PCDH15: variants seen among roughly 807,000 people sequenced by gnomAD.
PCDH15 encodes protocadherin related 15, also known as protocadherin-15.
PCDH15 carries 129 observed loss-of-function variants against 178.5 expected under a neutral mutation model. That is an observed-to-expected ratio of 0.72 (90% confidence interval 0.63 to 0.84). The LOEUF (loss-of-function observed/expected upper bound fraction) is 0.84. Ranked by LOEUF, PCDH15 falls within the 40% of genes least tolerant of loss-of-function variation. PCDH15 has a pLI of 0.00. For missense variants in PCDH15, 2,230 were observed against 2,099.9 expected, an observed-to-expected ratio of 1.06 and a Z score of -1.21; for synonymous variants, 800 against 732.0, an observed-to-expected ratio of 1.09 and a Z score of -1.50.
At chr10:54,824,994 G>T (rs554083187) in intron 3 of PCDH15, among the ~76,000 whole-genome samples, 154 of 152,084 alleles carry the variant, frequency 1.0e-3, no homozygotes, top group Admixed American at 3.4e-3. Context: ...TTTAGCATTA[G>T]GTATATCTCC....
intron 2 of PCDH15, among the ~76,000 whole-genome samples, chr10:54,936,080 T>C (rs1423529182): frequency 6.6e-6 from 1 of 152,086 alleles, no homozygotes; most frequent in Non-Finnish European, 1.5e-5. Flanking sequence ...AACCACAGAT[T>C]GACTTTGGGT....
chr10:55,609,015 TACACACAC>T (rs1290621408), intron 2 of PCDH15, among the ~76,000 whole-genome samples: 2 of 126,816 alleles, frequency 1.6e-5, no homozygotes, highest in African/African-American at 3.2e-5. Context: ...TATATATATA[TACACACAC>T]ACACACACAC....
At chr10:54,911,300 GCCTTGTATCAATTGGTA>G (rs1954809677) in intron 2 of PCDH15, among the ~76,000 whole-genome samples, 1 of 152,090 alleles carries the variant, frequency 6.6e-6, no homozygotes, top group South Asian at 2.1e-4. Flanking sequence ...ACCTCCATTA[GCCTTGTATCAATTGGTA>G]CAAATTTTTG....
At chr10:54,485,196 C>T (rs907203576) in intron 3 of PCDH15, among the ~76,000 whole-genome samples, 1 of 151,682 alleles carries the variant, frequency 6.6e-6, no homozygotes, top group African/African-American at 2.4e-5. Flanking sequence ...AGTGCTGACA[C>T]TATGTCAAAA....
chr10:53,905,683 T>C (rs2082633377), intron 25 of PCDH15, among the ~76,000 whole-genome samples: 1 of 152,108 alleles, frequency 6.6e-6, no homozygotes, highest in South Asian at 2.1e-4. Context: ...CATACTTATA[T>C]GTATACTTTG....
intron 1 of PCDH15, among the ~76,000 whole-genome samples, chr10:55,251,128 T>G (rs578176234): frequency 6.6e-6 from 1 of 152,110 alleles, no homozygotes; most frequent in East Asian, 1.9e-4. Context: ...TGTATCAGTA[T>G]ATCGACATTG....
At chr10:55,378,228 C>T (rs1837446522) in intron 2 of PCDH15, among the ~76,000 whole-genome samples, 1 of 152,174 alleles carries the variant, frequency 6.6e-6, no homozygotes, top group South Asian at 2.1e-4. Context: ...GATATTATGA[C>T]AGCTATTGGC....
At chr10:54,711,638 T>C (rs1409528419) in intron 1 of PCDH15, among the ~76,000 whole-genome samples, 3 of 151,930 alleles carry the variant, frequency 2.0e-5, no homozygotes, top group Non-Finnish European at 4.4e-5. Flanking sequence ...TATCCATAAT[T>C]TATGAGTATA....
In PCDH15 at chr10:54,237,040, C is replaced by T. The variant is rs542516382; in HGVS notation, c.877-109G>A. On this transcript the variant is annotated intron_variant, in intron 8 of 37. Coordinates refer to ENST00000644397, the MANE Select transcript of PCDH15 (RefSeq NM_001384140.1). ...TCTATATAACGTCTGAGACAGTAAA[C>T]TCAAGTTTCAACATTTATGATCTAA... is the stretch of plus-strand genomic sequence containing the variant. The T allele has an allele frequency of 2.3e-5, 22 of 956,746 alleles. No homozygotes were observed. In the East Asian group the frequency reaches 5.1e-4, roughly 22 times the overall value. 59.3% of individuals were successfully genotyped at this position (956,746 alleles called of 1,614,324 possible).
At chr10:54,144,125 A>G (rs1054748421) in intron 14 of PCDH15, among the ~76,000 whole-genome samples, 1 of 151,992 alleles carries the variant, frequency 6.6e-6, no homozygotes, top group Non-Finnish European at 1.5e-5. Context: ...GAAGAAAATG[A>G]TACTATTAGA....
chr10:54,252,906 A>G (rs1306926448), intron 8 of PCDH15, among the ~76,000 whole-genome samples: 2 of 152,122 alleles, frequency 1.3e-5, no homozygotes, highest in South Asian at 2.1e-4. Context: ...TACTATAGTT[A>G]TATTGAAGAG....
chr10:53,836,872 A>T (rs1189605190), intron 29 of PCDH15, among the ~76,000 whole-genome samples: 1 of 152,236 alleles, frequency 6.6e-6, no homozygotes, highest in Non-Finnish European at 1.5e-5. Context: ...ATTGCAAAAT[A>T]GCAGAAAGCA....
intron 27 of PCDH15, among the ~76,000 whole-genome samples, chr10:53,865,581 C>G (rs540432651): frequency 6.6e-6 from 1 of 152,082 alleles, no homozygotes; most frequent in Non-Finnish European, 1.5e-5. Flanking sequence ...TTAATTTGAT[C>G]AAAAATTTAT....
At chr10:55,214,094 G>GCATT (rs1430141735) in intron 1 of PCDH15, among the ~76,000 whole-genome samples, 2 of 151,872 alleles carry the variant, frequency 1.3e-5, no homozygotes, top group African/African-American at 4.8e-5. Flanking sequence ...TAGCTTAAGT[G>GCATT]CATTGTGTTC....
intron 1 of PCDH15, among the ~76,000 whole-genome samples, chr10:55,237,391 C>CTAACTT (rs952468799): frequency 2.6e-5 from 4 of 152,124 alleles, no homozygotes; most frequent in South Asian, 2.1e-4. Context: ...ATCTTTAAAA[C>CTAACTT]TAACTTTAAC....
intron 2 of PCDH15, among the ~76,000 whole-genome samples, chr10:55,600,527 A>G (rs1843052976): frequency 6.6e-6 from 1 of 152,142 alleles, no homozygotes; most frequent in South Asian, 2.1e-4. Flanking sequence ...CTATTCTAGC[A>G]TCCATATCAA....
chr10:54,688,303 C>T (rs988449723), intron 1 of PCDH15, among the ~76,000 whole-genome samples: 8 of 151,846 alleles, frequency 5.3e-5, no homozygotes, highest in Non-Finnish European at 1.2e-4. Flanking sequence ...TTTCTCTAAG[C>T]CTCAATTGTA....
intron 18 of PCDH15, among the ~76,000 whole-genome samples, chr10:54,047,639 C>T (rs1216448391): frequency 1.3e-5 from 2 of 151,942 alleles, no homozygotes; most frequent in African/African-American, 4.8e-5. Flanking sequence ...CCCAGTGTTT[C>T]AGTCCCACTT....
chr10:54,554,448 T>TA (rs766821260), intron 2 of PCDH15, among the ~76,000 whole-genome samples: 1 of 152,006 alleles, frequency 6.6e-6, no homozygotes, highest in Non-Finnish European at 1.5e-5. Flanking sequence ...AAAATTAATG[T>TA]AAAAAAATTG....
Sources: gnomAD v4.1 joint callset for allele counts (sites outside exome capture counted in the v4.1 genomes callset) on GRCh38, gnomAD v4.1.1 for gene constraint, MANE v1.5 for transcripts, NCBI Gene and HGNC (gene_info 2026-07-23, HGNC 2026-07-21) for gene names.